Variants in CEP70 observed in about 807,000 individuals in gnomAD.
CEP70 encodes the protein centrosomal protein 70.
In CEP70, 70 loss-of-function variants were observed where a neutral mutation model predicts 90.9. That is an observed-to-expected ratio of 0.77 (90% CI 0.64 to 0.94). The LOEUF is 0.94. CEP70 is among the 40% of genes least tolerant of loss of function. The probability of loss-of-function intolerance (pLI) is 0.00; values close to 1 mark genes in which losing one functional copy is unlikely to be tolerated. For missense variants in CEP70, 648 were observed against 669.0 expected, an observed-to-expected ratio of 0.97 and a Z score of 0.35; for synonymous variants, 220 against 228.3, an observed-to-expected ratio of 0.96 and a Z score of 0.33.
chr3:138,515,828 T>C (rs1362547289), intron 11 of CEP70, among the ~76,000 whole-genome samples: 1 of 152,202 alleles, frequency 6.6e-6, no homozygotes, highest in African/African-American at 2.4e-5. Context: ...TGCCTTCTCT[T>C]TTTACTTCCC....
At chr3:138,558,504 G>C (rs1299814728) in intron 6 of CEP70, among the ~76,000 whole-genome samples, 1 of 152,138 alleles carries the variant, frequency 6.6e-6, no homozygotes, top group Non-Finnish European at 1.5e-5. Context: ...ATGCCTGCCA[G>C]GGATATGAAA....
rs373225405 is a variant in CEP70 at position 138,570,404 on chromosome 3, C to T, written c.379G>A (p.Gly127Ser). The change falls in exon 6 of 18, where the codon GGT becomes AGT. Residue 127 changes from glycine (G) to serine (S), a missense_variant. Coordinates refer to ENST00000264982, the MANE Select transcript of CEP70 (RefSeq NM_024491.4). The stretch of plus-strand genomic sequence containing the variant: ...CTTAGTGATTCATCCTCCAATTCAC[C>T]AATTTTGGATTTCACACTTTCCATA... ...QIMESVKSKI[G>S]ELEDESLSRA... 12 of 1,608,116 alleles carry T rather than the reference C, an allele frequency of 7.5e-6. No homozygotes were observed. The highest frequency in any genetic ancestry group is 1.7e-4 in the Middle Eastern group (1 of 6,052).
intron 2 of CEP70, among the ~76,000 whole-genome samples, chr3:138,576,740 A>C (rs970774605): frequency 6.6e-6 from 1 of 152,240 alleles, no homozygotes; most frequent in Non-Finnish European, 1.5e-5. Context: ...AACAGAAATC[A>C]CAACAAACTG....
chr3:138,514,086 A>C (rs1056406111), intron 11 of CEP70, among the ~76,000 whole-genome samples: 4 of 152,172 alleles, frequency 2.6e-5, no homozygotes, highest in African/African-American at 9.7e-5. Flanking sequence ...TAAGATGTAC[A>C]TAAATCTTAT....
At chr3:138,559,395 T>C (rs915919224) in intron 6 of CEP70, among the ~76,000 whole-genome samples, 11 of 152,114 alleles carry the variant, frequency 7.2e-5, no homozygotes, top group Non-Finnish European at 1.2e-4. Context: ...CAAAGGAAGA[T>C]AAATCAAAAG....
chr3:138,572,216 G>T (rs936316), intron 3 of CEP70, among the ~76,000 whole-genome samples: 68,652 of 152,036 alleles, frequency 0.45, 17,225 homozygotes, highest in Admixed American at 0.6. Flanking sequence ...CTGGATAACT[G>T]ACTCTAACAG....
At position 138,557,120 on chromosome 3, in the gene CEP70, T is replaced by A. The variant is rs376995759; in HGVS notation, c.465+13198A>T. On this transcript the variant is annotated intron_variant, in intron 6 of 17. Transcript: ENST00000264982. ...AGGGGCGCATTCTCTTTCTCAGGGA[T>A]GTTCCTTGCTGAGAAAAAGAATTCA... is the stretch of plus-strand genomic sequence containing the variant. 5.6e-3 allele frequency among the ~76,000 whole-genome samples: 859 copies of A among 152,272 alleles called. 7 individuals carry two copies. Among genetic ancestry groups the A allele is most frequent in the African/African-American group, 0.02 (827 of 41,558 alleles).
intron 12 of CEP70, among the ~76,000 whole-genome samples, chr3:138,506,333 ACCCTGT>A (rs956109372): frequency 2.6e-5 from 4 of 152,232 alleles, no homozygotes; most frequent in African/African-American, 7.2e-5. Context: ...ACAGAGCAAG[ACCCTGT>A]CTCCAAAAAT....
At chr3:138,561,508 C>T (rs1415163085) in intron 6 of CEP70, among the ~76,000 whole-genome samples, 3 of 152,062 alleles carry the variant, frequency 2.0e-5, no homozygotes, top group Non-Finnish European at 4.4e-5. Flanking sequence ...AACTCCTCAC[C>T]ACCAAGGAAA....
chr3:138,552,494 A>G (rs2039693808), intron 6 of CEP70, among the ~76,000 whole-genome samples: 1 of 152,202 alleles, frequency 6.6e-6, no homozygotes, highest in Non-Finnish European at 1.5e-5. Flanking sequence ...CCACAGTGGA[A>G]TAAAACTGAA....
intron 12 of CEP70, among the ~76,000 whole-genome samples, chr3:138,507,521 G>A (rs1382322122): frequency 6.6e-6 from 1 of 151,938 alleles, no homozygotes; most frequent in Non-Finnish European, 1.5e-5. Flanking sequence ...TTTAACTATA[G>A]AAATTAAAAT....
At chr3:138,561,545 C>T (rs1350711908) in intron 6 of CEP70, among the ~76,000 whole-genome samples, 6 of 152,014 alleles carry the variant, frequency 3.9e-5, no homozygotes, top group Admixed American at 6.6e-5. Flanking sequence ...ATGAGTCTGA[C>T]GAACTGACAG....
chr3:138,512,113 T>C (rs142931170), intron 11 of CEP70, among the ~76,000 whole-genome samples: 286 of 152,300 alleles, frequency 1.9e-3, no homozygotes, highest in African/African-American at 6.6e-3. Flanking sequence ...TGTTGGCTTA[T>C]GGATGCCAAG....
intron 11 of CEP70, among the ~76,000 whole-genome samples, chr3:138,514,919 T>G (rs1389357942): frequency 3.9e-5 from 6 of 152,114 alleles, no homozygotes; most frequent in African/African-American, 1.4e-4. Flanking sequence ...ACTACCAAAG[T>G]TTTAAACTTT....
intron 6 of CEP70, among the ~76,000 whole-genome samples, chr3:138,569,183 A>G (rs920893817): frequency 5.3e-5 from 8 of 152,030 alleles, no homozygotes; most frequent in African/African-American, 1.7e-4. Context: ...AGAGCCCCCT[A>G]GTATCTCTGA....
chr3:138,532,746 T>C (rs2037938046), intron 7 of CEP70, among the ~76,000 whole-genome samples, 176 bp from the exon 8 acceptor site: 2 of 152,268 alleles, frequency 1.3e-5, no homozygotes, highest in African/African-American at 4.8e-5. Context: ...TCATATGTTA[T>C]ATTAATTTCA....
chr3:138,565,509 G>A (rs1413826024), intron 6 of CEP70, among the ~76,000 whole-genome samples: 1 of 152,168 alleles, frequency 6.6e-6, no homozygotes, highest in East Asian at 1.9e-4. Flanking sequence ...CAATGGGACA[G>A]AACAGAGGCC....
intron 6 of CEP70, among the ~76,000 whole-genome samples, chr3:138,561,081 G>A (rs964739681): frequency 2.6e-5 from 4 of 152,108 alleles, no homozygotes; most frequent in African/African-American, 4.8e-5. Flanking sequence ...ACTGAACTCC[G>A]TGTCTCCTGA....
In CEP70 at chr3:138,529,482, G is replaced by A. The variant is rs767924637; in HGVS notation, c.693-20C>T. 4 of 1,413,484 alleles carry A rather than the reference G, an allele frequency of 2.8e-6. No individual in the cohort carries two copies. The highest frequency in any genetic ancestry group is 1.4e-5 in the African/African-American group (1 of 69,350). 87.6% of individuals were successfully genotyped at this position (1,413,484 alleles called of 1,614,324 possible). ...TATTGCCTATGAAAATATGTATGCA[G>A]TATACTTATGAAAAATCTATCTTCA... On this transcript the variant is annotated intron_variant, in intron 8 of 17. Coordinates refer to ENST00000264982, the MANE Select transcript of CEP70 (RefSeq NM_024491.4).
Sources: allele counts gnomAD v4.1 joint callset (sites outside exome capture counted in the v4.1 genomes callset), GRCh38; gene constraint gnomAD v4.1.1; transcripts MANE v1.5; gene names NCBI Gene and HGNC (gene_info 2026-07-23, HGNC 2026-07-21).